The following DNMT1 variants were observed in gnomAD, a reference collection of about 807,000 sequenced individuals.
The protein encoded by DNMT1 is DNA (cytosine-5)-methyltransferase 1.
DNMT1 carries 24 observed loss-of-function variants against 205.3 expected under a neutral mutation model. The ratio of observed to expected loss-of-function variants is 0.12; its 90% CI spans 0.08 to 0.16. DNMT1 has a LOEUF of 0.16. DNMT1 is among the 10% of genes least tolerant of loss of function. DNMT1 has a pLI of 1.00. For missense variants in DNMT1, 1,293 were observed against 2,177.7 expected (o/e 0.59, Z 8.09); for synonymous variants, 817 against 839.8 (o/e 0.97, Z 0.47).
At chr19:10,175,802 G>C (rs760637239) in intron 6 of DNMT1, among the ~76,000 whole-genome samples, 184 bp from the exon 7 acceptor site, 1 of 152,150 alleles carries the variant, frequency 6.6e-6, no homozygotes, top group Non-Finnish European at 1.5e-5. Flanking sequence ...TCTAAACACC[G>C]ATCAACAGCT....
intron 5 of DNMT1, among the ~76,000 whole-genome samples, chr19:10,177,746 C>G (rs569338560): frequency 6.6e-6 from 1 of 151,996 alleles, no homozygotes; most frequent in Non-Finnish European, 1.5e-5. Context: ...GCCTGGACAA[C>G]ATGGCAAACC....
chr19:10,141,337 T>G, intron 30 of DNMT1, 148 bp from the exon 31 acceptor site: 1 of 758,710 alleles, frequency 1.3e-6, no homozygotes, highest in Non-Finnish European at 2.3e-6. Context: ...TAGTTTGACT[T>G]TGCTACAATA....
In DNMT1 at chr19:10,159,987, G is replaced by T; in HGVS notation, c.1089+31C>A. On this transcript the variant is annotated intron_variant, in intron 15 of 40. Coordinates refer to ENST00000359526, the MANE Select transcript of DNMT1 (RefSeq NM_001130823.3). The surrounding 1 kb of genome is among the most constrained non-coding windows in gnomAD (Gnocchi z 5.0). ...AGCTCCCAGCCGCCTCGTGAGCGCC[G>T]CCACCGGCTTTATTCCCGGCAGATG... is the stretch of plus-strand genomic sequence containing the variant. The T allele has an allele frequency of 3.1e-6, 5 of 1,614,154 alleles. No homozygotes were observed. The South Asian group carries it at 5.5e-5, about 18-fold the overall frequency.
At chr19:10,135,363 CAT>C (rs1176571347) in intron 39 of DNMT1, 1 of 343,108 alleles carries the variant, frequency 2.9e-6, no homozygotes, top group Non-Finnish European at 5.7e-6. Context: ...GAGACTAACT[CAT>C]AGACTAACTT....
chr19:10,191,841 A>AC (rs1052346622), intron 1 of DNMT1, among the ~76,000 whole-genome samples: 102 of 147,818 alleles, frequency 6.9e-4, no homozygotes, highest in Admixed American at 6.4e-3. Context: ...AAAAAAAAAA[A>AC]TTTTTTTTTT....
intron 1 of DNMT1, among the ~76,000 whole-genome samples, chr19:10,189,162 C>A (rs935396537): frequency 4.0e-5 from 6 of 151,756 alleles, no homozygotes; most frequent in African/African-American, 1.5e-4. Context: ...CTCTGTTGCC[C>A]AGGCTGGAGT....
chr19:10,194,698 A>ACCACC lies in DNMT1; in HGVS notation c.80+117_80+121dup. The ACCACC allele has an allele frequency of 3.0e-6, 4 of 1,324,630 alleles. No individual in the cohort carries two copies. In the South Asian group the frequency reaches 6.4e-5, roughly 21 times the overall value. 82.1% of individuals were successfully genotyped at this position (1,324,630 alleles called of 1,614,324 possible). ...CGCGCCAACTGCCGCTGCGCGCCGC[A>ACCACC]CCACCCCACGCATGCGCGCCCGTCT... On this transcript the variant is annotated intron_variant, in intron 1 of 40. Coordinates refer to ENST00000359526, the MANE Select transcript of DNMT1 (RefSeq NM_001130823.3).
chr19:10,189,909 C>T (rs1568262382), intron 1 of DNMT1, among the ~76,000 whole-genome samples: 1 of 152,126 alleles, frequency 6.6e-6, no homozygotes, highest in South Asian at 2.1e-4. Flanking sequence ...TACTGATAAG[C>T]TCAGTCTTCC....
chr19:10,157,405 C>T (rs1467640099), intron 17 of DNMT1, among the ~76,000 whole-genome samples: 2 of 152,196 alleles, frequency 1.3e-5, no homozygotes, highest in Non-Finnish European at 2.9e-5. Flanking sequence ...TCTCAAACAC[C>T]TGCGGCCCCA....
At position 10,156,925 on chromosome 19, in the gene DNMT1, C is replaced by T. The variant is rs920783777; in HGVS notation, c.1281-416G>A. 6.6e-6 allele frequency among the ~76,000 whole-genome samples: 1 copy of T among 152,138 alleles called. No homozygotes were observed. Among genetic ancestry groups the T allele is most frequent in the African/African-American group, 2.4e-5 (1 of 41,438 alleles). ...AACCACCATGCCTGGCCCCGACACT[C>T]ATTTTTTGGTTGCGGGAACACTGGA... is the stretch of plus-strand genomic sequence containing the variant. On this transcript the variant is annotated intron_variant, in intron 17 of 40. Transcript: ENST00000359526. The surrounding 1 kb of genome is among the most constrained non-coding windows in gnomAD (Gnocchi z 4.2).
rs2089504641 is a variant in DNMT1 at position 10,137,292 on chromosome 19, TG to T, written c.4294-13del. On this transcript the variant is annotated splice_polypyrimidine_tract_variant and intron_variant, in intron 36 of 40. Transcript: ENST00000359526. The surrounding 1 kb of genome is among the most constrained non-coding windows in gnomAD (Gnocchi z 6.4). ...AATGCACTCATGTCCTGAAAGAGTG[TG>T]GGGGGCCCAGCTGTCACCTCATGTG... 1.9e-6 allele frequency: 3 copies of T among 1,598,126 alleles called. No homozygotes were observed. The highest frequency in any genetic ancestry group is 1.3e-5 in the African/African-American group (1 of 74,684).
chr19:10,141,348 GAA>G (rs1183974001), intron 30 of DNMT1, 159 bp from the exon 31 acceptor site: 1 of 713,986 alleles, frequency 1.4e-6, no homozygotes, highest in African/African-American at 1.8e-5. Context: ...TGCTACAATA[GAA>G]ACTTAAAACA....
At chr19:10,190,523 G>A (rs1322953985) in intron 1 of DNMT1, among the ~76,000 whole-genome samples, 1 of 152,090 alleles carries the variant, frequency 6.6e-6, no homozygotes, top group Non-Finnish European at 1.5e-5. Context: ...AACACTTTGC[G>A]GGGCTGAGGC....
chr19:10,154,674 C>T lies in DNMT1; in HGVS notation c.1744G>A (p.Glu582Lys), dbSNP rs990456303. The T allele has an allele frequency of 4.3e-6, 7 of 1,614,226 alleles. No homozygotes were observed. Among genetic ancestry groups the T allele is most frequent in the Non-Finnish European group, 4.2e-6 (5 of 1,180,052 alleles). The change falls in exon 21 of 41, where the codon GAG becomes AAG. Residue 582 changes from glutamate to lysine, a missense_variant. Glu to Lys is a moderately conservative substitution (Grantham distance 56). Around this residue, in one of 13 missense-constraint regions of DNMT1, gnomAD observed 120 missense variants for 315.9 expected, o/e 0.38. Coordinates refer to ENST00000359526, the MANE Select transcript of DNMT1 (RefSeq NM_001130823.3). This position sits in a 1 kb window ranked among gnomAD's most constrained non-coding sequence, Gnocchi z 6.3. ...FVVEQVESYD[E>K]AGDSDEQPIF... ...GGCTGCTCATCACTGTCCCCGGCCT[C>T]GTCATAACTCTCCACCTGCTCCACC... is the stretch of plus-strand genomic sequence containing the variant.
At chr19:10,143,223 G>A (rs944113572) in intron 29 of DNMT1, among the ~76,000 whole-genome samples, 8 of 152,128 alleles carry the variant, frequency 5.3e-5, no homozygotes, top group South Asian at 2.1e-4. Flanking sequence ...CACTCTACCC[G>A]TTTTTTCTTT....
intron 11 of DNMT1, among the ~76,000 whole-genome samples, chr19:10,165,363 C>T (rs914524270): frequency 2.0e-5 from 3 of 152,152 alleles, no homozygotes; most frequent in African/African-American, 7.2e-5. Context: ...GCCAACAATC[C>T]TTGTTCTCTG....
chr19:10,149,959 T>G lies in DNMT1; in HGVS notation c.2275A>C (p.Lys759Gln), dbSNP rs760768778. ...CACACCTTCTTATAGTAACTCTTCT[T>G]CCCATCAGTCTGAAAATGAGAGCAT... Reference protein sequence around the residue: ...WVGEAVKTDGKKSYYKKVCID... With the variant: ...WVGEAVKTDGQKSYYKKVCID... The change falls in exon 25 of 41, where the codon AAG (lysine) becomes CAG (glutamine). Residue 759 changes from lysine (K) to glutamine (Q), a missense_variant. By Grantham distance (53) the Lys-to-Gln change is moderately conservative. Transcript: ENST00000359526. 6.2e-7 allele frequency: 1 copy of G among 1,614,162 alleles called. No homozygotes were observed. Among genetic ancestry groups the G allele is most frequent in the South Asian group, 1.1e-5 (1 of 91,082 alleles).
At position 10,136,458 on chromosome 19, in the gene DNMT1, A is replaced by G. The variant is rs578037092; in HGVS notation, c.4490-171T>C. 2.6e-5 allele frequency among the ~76,000 whole-genome samples: 4 copies of G among 152,190 alleles called. No homozygotes were observed. The East Asian group carries it at 5.8e-4, about 22-fold the overall frequency. On this transcript the variant is annotated intron_variant, in intron 37 of 40. Transcript: ENST00000359526. ...GGGCACTGTTTTTATTATTAGTATT[A>G]TATGTCTCGCTCTGTTGCCCAGGCT...
rs1231864150 is a variant in DNMT1 at position 10,155,774 on chromosome 19, A to G, written c.1492+79T>C. 3 of 1,448,840 alleles carry G rather than the reference A, an allele frequency of 2.1e-6. No individual in the cohort carries two copies. The East Asian group carries it at 7.2e-5, about 35-fold the overall frequency. 89.7% of individuals were successfully genotyped at this position (1,448,840 alleles called of 1,614,324 possible). ...CAAGCCTGCTGAGAATTCCCACCAG[A>G]GCCCCGTCAGCCCCCAGGAAGGAGA... On this transcript the variant is annotated intron_variant, in intron 19 of 40. Transcript: ENST00000359526.
Sources: allele counts gnomAD v4.1 joint callset (sites outside exome capture counted in the v4.1 genomes callset), GRCh38; gene constraint gnomAD v4.1.1; regional missense constraint gnomAD v4.1.1; non-coding constraint Gnocchi (gnomAD v3.1); transcripts MANE v1.5; gene names NCBI Gene and HGNC (gene_info 2026-07-23, HGNC 2026-07-21).